The following GSAP variants were observed in gnomAD, a reference collection of about 807,000 sequenced individuals.
GSAP encodes the protein gamma-secretase-activating protein.
A neutral mutation model predicts 131.7 loss-of-function variants in GSAP; 118 were observed. That is an observed-to-expected ratio of 0.90 (90% CI 0.77 to 1.04). GSAP has a LOEUF of 1.04. Among genes scored for constraint, GSAP ranks in the 50% least tolerant of loss-of-function variants. GSAP has a pLI of 0.00. For missense variants in GSAP, 1,019 were observed against 1,013.2 expected (o/e 1.01, Z -0.08); for synonymous variants, 381 against 363.4 (o/e 1.05, Z -0.55).
chr7:77,311,240 CA>C lies in GSAP; in HGVS notation c.*117del. The C allele has an allele frequency of 1.4e-6, 1 of 694,324 alleles. No individual in the cohort carries two copies. Among genetic ancestry groups the C allele is most frequent in the African/African-American group, 1.8e-5 (1 of 56,436 alleles). 43.0% of individuals were successfully genotyped at this position (694,324 alleles called of 1,614,324 possible). On this transcript the variant is annotated 3_prime_UTR_variant, in exon 31 of 31. Transcript: ENST00000257626. The stretch of plus-strand genomic sequence containing the variant: ...CCAACCTGAAACTCACATGGCTAAA[CA>C]ATTATGGCTAAACTATTTTTGTTAC...
chr7:77,407,347 T>C (rs1287424695), intron 1 of GSAP, among the ~76,000 whole-genome samples: 1 of 152,226 alleles, frequency 6.6e-6, no homozygotes, highest in Non-Finnish European at 1.5e-5. Flanking sequence ...TGTCCTTATA[T>C]TGAAGATATG....
At chr7:77,311,800 G>T in intron 30 of GSAP, 41 bp downstream of exon 30, 1 of 953,768 alleles carries the variant, frequency 1.0e-6, no homozygotes, top group Non-Finnish European at 1.7e-6. Flanking sequence ...GATGTGTCAA[G>T]GGAAAAGTGG....
intron 10 of GSAP, among the ~76,000 whole-genome samples, chr7:77,376,044 A>G (rs1796800738): frequency 6.6e-6 from 1 of 152,142 alleles, no homozygotes; most frequent in South Asian, 2.1e-4. Context: ...TTTCAGGGGT[A>G]ACGCTAGATT....
At chr7:77,344,176 T>A (rs1301414090) in intron 19 of GSAP, among the ~76,000 whole-genome samples, 1 of 152,160 alleles carries the variant, frequency 6.6e-6, no homozygotes, top group East Asian at 1.9e-4. Context: ...TTCCCACCTC[T>A]ATACAGTCCA....
At chr7:77,343,091 CAA>C (rs1369496643) in intron 19 of GSAP, among the ~76,000 whole-genome samples, 1 of 152,254 alleles carries the variant, frequency 6.6e-6, no homozygotes, top group Non-Finnish European at 1.5e-5. Context: ...AGTTCTCACA[CAA>C]GAGACGGGAC....
intron 11 of GSAP, 72 bp downstream of exon 11, chr7:77,374,986 A>C (rs1401167316): frequency 1.4e-6 from 1 of 732,926 alleles, no homozygotes; most frequent in East Asian, 2.6e-5. Context: ...GCATAATATA[A>C]TGTACGAATA....
At chr7:77,394,403 C>T (rs1452182238) in intron 5 of GSAP, among the ~76,000 whole-genome samples, 2 of 152,178 alleles carry the variant, frequency 1.3e-5, no homozygotes, top group African/African-American at 2.4e-5. Flanking sequence ...TCCATAGCCT[C>T]GTGCTTGTTC....
rs1200040086 is a variant in GSAP at position 77,334,579 on chromosome 7, T to TAA, written c.1546-4213_1546-4212insTT. Among the ~76,000 whole-genome samples the TAA allele has an allele frequency of 2.1e-3, 174 of 82,386 alleles. 3 individuals are homozygous for TAA. The highest frequency in any genetic ancestry group is 4.2e-3 in the African/African-American group (85 of 20,412). 54.0% of individuals were successfully genotyped at this position (82,386 alleles called of 152,430 possible). ...GCCCATGTATCCTGGAACTTAAAATTTAAAAAAAAAAAAAAAAAAAAAAAA... is the reference window on the plus strand; with the variant it reads ...GCCCATGTATCCTGGAACTTAAAATTAATAAAAAAAAAAAAAAAAAAAAAAAA... On this transcript the variant is annotated intron_variant, in intron 19 of 30. Coordinates refer to ENST00000257626, the MANE Select transcript of GSAP (RefSeq NM_017439.4).
intron 14 of GSAP, among the ~76,000 whole-genome samples, chr7:77,357,008 A>C (rs1193241125): frequency 6.6e-6 from 1 of 152,212 alleles, no homozygotes; most frequent in East Asian, 1.9e-4. Context: ...CACAAACAAC[A>C]ATACAGTGGG....
chr7:77,326,057 G>A (rs1216008380), intron 23 of GSAP, among the ~76,000 whole-genome samples, 155 bp downstream of exon 23: 1 of 152,164 alleles, frequency 6.6e-6, no homozygotes, highest in Non-Finnish European at 1.5e-5. Flanking sequence ...CATATGGGTT[G>A]CTTACCACTG....
intron 5 of GSAP, 129 bp from the exon 6 acceptor site, chr7:77,387,577 C>T (rs576905073): frequency 2.4e-5 from 15 of 624,696 alleles, no homozygotes; most frequent in Non-Finnish European, 4.3e-5. Flanking sequence ...AACAATTCTA[C>T]CACCATCCTA....
chr7:77,321,282 G>A (rs1787609448), intron 25 of GSAP, 51 bp downstream of exon 25: 1 of 1,149,676 alleles, frequency 8.7e-7, no homozygotes, highest in Non-Finnish European at 1.3e-6. Context: ...CTACAACAGA[G>A]TTGTTTCCAC....
intron 26 of GSAP, 100 bp from the exon 27 acceptor site, chr7:77,314,589 C>T: frequency 7.5e-7 from 1 of 1,329,892 alleles, no homozygotes; most frequent in Non-Finnish European, 1.0e-6. Context: ...TAGTTCAGTG[C>T]TTGGTGCCTG....
intron 22 of GSAP, chr7:77,326,482 A>G (rs977989676): frequency 8.4e-6 from 4 of 474,506 alleles, no homozygotes; most frequent in African/African-American, 4.0e-5. Flanking sequence ...AAAGAAAGAA[A>G]CCAACACATT....
intron 3 of GSAP, 51 bp downstream of exon 3, chr7:77,404,508 A>C (rs1395975182): frequency 2.2e-6 from 2 of 897,102 alleles, no homozygotes; most frequent in Non-Finnish European, 3.6e-6. Flanking sequence ...GAGGAGACAA[A>C]GAAAACTCTA....
intron 1 of GSAP, among the ~76,000 whole-genome samples, chr7:77,414,597 A>G (rs1196203006): frequency 1.3e-5 from 2 of 152,200 alleles, no homozygotes; most frequent in Non-Finnish European, 2.9e-5. Context: ...ATTTCTTCAG[A>G]GATGAGCGAA....
Position 77,396,459 on chromosome 7 carries a change from A to G in GSAP, c.367+523T>C, listed in dbSNP as rs371566961. On this transcript the variant is annotated intron_variant, in intron 5 of 30. Transcript: ENST00000257626. ...CCATGCATAATGCCTGACCCCCAGC[A>G]GGCACTCAATACTGTTGAGTTATAG... Among the ~76,000 whole-genome samples the G allele has an allele frequency of 2.0e-5, 3 of 152,296 alleles. No individual in the cohort carries two copies. In the South Asian group the frequency reaches 6.2e-4, roughly 32 times the overall value.
Position 77,397,418 on chromosome 7 carries a change from A to G in GSAP, c.244-3T>C. 6.6e-7 allele frequency: 1 copy of G among 1,507,694 alleles called. No homozygotes were observed. Among genetic ancestry groups the G allele is most frequent in the Non-Finnish European group, 9.1e-7 (1 of 1,093,682 alleles). 93.4% of individuals were successfully genotyped at this position (1,507,694 alleles called of 1,614,324 possible). On this transcript the variant is annotated splice_region_variant and splice_polypyrimidine_tract_variant and intron_variant, in intron 3 of 30. Transcript: ENST00000257626. ...TCTTTCTCAAAGGTATATAGAAGCT[A>G]TTAAAACAAAAATATTTTTTAATTT...
intron 12 of GSAP, among the ~76,000 whole-genome samples, 198 bp downstream of exon 12, chr7:77,373,872 A>G (rs1236558114): frequency 6.6e-6 from 1 of 152,242 alleles, no homozygotes; most frequent in Non-Finnish European, 1.5e-5. Flanking sequence ...TCTGCTGTTA[A>G]GAATAACTGT....
Sources: gnomAD v4.1 joint callset for allele counts (sites outside exome capture counted in the v4.1 genomes callset) on GRCh38, gnomAD v4.1.1 for gene constraint, MANE v1.5 for transcripts, NCBI Gene and HGNC (gene_info 2026-07-23, HGNC 2026-07-21) for gene names.